The following CFAP20DC variants were observed in gnomAD, a reference collection of about 807,000 sequenced individuals.
CFAP20DC encodes the protein CFAP20 domain containing.
A neutral mutation model predicts 101.7 loss-of-function variants in CFAP20DC; 84 were observed. The observed-to-expected ratio is 0.83, with a 90% CI of 0.69 to 0.99. The LOEUF (loss-of-function observed/expected upper bound fraction) is 0.99. Ranked by LOEUF, CFAP20DC falls within the 50% of genes least tolerant of loss-of-function variation. The pLI is 0.00. For synonymous variants in CFAP20DC, 359 were observed against 351.2 expected (o/e 1.02, Z -0.25); for missense variants, 1,007 against 970.3 (o/e 1.04, Z -0.50).
At chr3:58,985,154 T>C (rs1559944019) in intron 4 of CFAP20DC, among the ~76,000 whole-genome samples, 1 of 152,152 alleles carries the variant, frequency 6.6e-6, no homozygotes, top group East Asian at 1.9e-4. Context: ...TCTTGAACTC[T>C]TGTGCTCAAG....
intron 4 of CFAP20DC, among the ~76,000 whole-genome samples, chr3:59,022,944 A>G (rs2093828991): frequency 6.6e-6 from 1 of 152,054 alleles, no homozygotes; most frequent in Admixed American, 6.6e-5. Flanking sequence ...AAGAAAATTC[A>G]CTCATTACCT....
chr3:58,789,937 T>TA lies in CFAP20DC; in HGVS notation c.2237+16457dup, dbSNP rs1175020482. On this transcript the variant is annotated intron_variant, in intron 15 of 16. Transcript: ENST00000482387. The stretch of plus-strand genomic sequence containing the variant: ...TTCTACAGAAAGCTTACATAAATTA[T>TA]AAAAAAGGTAGAAAGATACAGAAAT... Among the ~76,000 whole-genome samples, 176 of 152,100 alleles carry TA rather than the reference T, an allele frequency of 1.2e-3. 2 individuals carry two copies. The highest frequency in any genetic ancestry group is 1.2e-4 in the Non-Finnish European group (8 of 67,964).
Position 58,849,356 on chromosome 3 carries a change from T to A in CFAP20DC, c.1647A>T (p.Leu549Phe). ...GCAGGCTCTCTAATGTTAACTGAGTTAACTCTGAAGGACCAGTTGTTGGGC... is the reference window on the plus strand; with the variant it reads ...GCAGGCTCTCTAATGTTAACTGAGTAAACTCTGAAGGACCAGTTGTTGGGC... The part of the protein sequence containing the change: ...SRGPTTGPSE[L>F]TQLTLESLLG... The change falls in exon 13 of 17, where the codon TTA becomes TTT. Residue 549 changes from leucine (L) to phenylalanine (F), a missense_variant. Transcript: ENST00000482387. 1 of 1,535,956 alleles carries A rather than the reference T, an allele frequency of 6.5e-7. No individual in the cohort carries two copies.
In CFAP20DC at chr3:58,812,964, C is replaced by A. The variant is rs921835846; in HGVS notation, c.2176-6508G>T. 2.0e-5 allele frequency among the ~76,000 whole-genome samples: 3 copies of A among 151,844 alleles called. No individual in the cohort carries two copies. In the South Asian group the frequency reaches 6.2e-4, roughly 31 times the overall value. On this transcript the variant is annotated intron_variant, in intron 14 of 16. Coordinates refer to ENST00000482387, the MANE Select transcript of CFAP20DC (RefSeq NM_001394063.1). ...AAACCAAACAAGATATCTCATGGAA[C>A]TAATGCTGCAGTTCAACCATCATTA... is the stretch of plus-strand genomic sequence containing the variant.
chr3:58,779,623 A>G (rs1191225756), intron 15 of CFAP20DC, among the ~76,000 whole-genome samples: 1 of 152,198 alleles, frequency 6.6e-6, no homozygotes, highest in African/African-American at 2.4e-5. Flanking sequence ...AGAATCTCAG[A>G]ACTGAAAGGT....
At chr3:58,813,631 T>C (rs189815676) in intron 14 of CFAP20DC, among the ~76,000 whole-genome samples, 53 of 152,018 alleles carry the variant, frequency 3.5e-4, no homozygotes, top group African/African-American at 1.2e-3. Context: ...AAAATATTAA[T>C]GATGTAGGTG....
intron 6 of CFAP20DC, among the ~76,000 whole-genome samples, chr3:58,901,930 C>T (rs1035413781): frequency 2.6e-5 from 4 of 152,164 alleles, no homozygotes; most frequent in African/African-American, 9.7e-5. Flanking sequence ...TCTCTCAAGT[C>T]TCCAGTCCCT....
intron 14 of CFAP20DC, among the ~76,000 whole-genome samples, chr3:58,825,665 G>C (rs2075993484): frequency 6.6e-6 from 1 of 152,146 alleles, no homozygotes; most frequent in Non-Finnish European, 1.5e-5. Flanking sequence ...CGAGAGCCCA[G>C]TTTTTGAATA....
At chr3:58,805,189 T>C (rs998258518) in intron 15 of CFAP20DC, among the ~76,000 whole-genome samples, 7 of 152,204 alleles carry the variant, frequency 4.6e-5, no homozygotes, top group Non-Finnish European at 1.0e-4. Flanking sequence ...TGTTAGCCTC[T>C]ACATGTATAT....
chr3:58,834,343 G>A (rs1417173221), intron 13 of CFAP20DC, among the ~76,000 whole-genome samples: 1 of 152,138 alleles, frequency 6.6e-6, no homozygotes, highest in Non-Finnish European at 1.5e-5. Flanking sequence ...GCGTTCTAAT[G>A]TGTCACATAG....
rs148326543 is a variant in CFAP20DC at position 58,987,630 on chromosome 3, T to A, written c.279-49868A>T. Among the ~76,000 whole-genome samples the A allele has an allele frequency of 1.1e-4, 17 of 152,116 alleles. No individual in the cohort carries two copies. In the East Asian group the frequency reaches 3.1e-3, roughly 28 times the overall value. ...ATTTAAAAATACAGTATCAGCATTG[T>A]ACAGATACAGCAGAGAACAAAAAAC... On this transcript the variant is annotated intron_variant, in intron 4 of 16. Coordinates refer to ENST00000482387, the MANE Select transcript of CFAP20DC (RefSeq NM_001394063.1).
At chr3:59,046,949 G>T (rs907885654) in intron 2 of CFAP20DC, among the ~76,000 whole-genome samples, 4 of 152,156 alleles carry the variant, frequency 2.6e-5, no homozygotes, top group Admixed American at 6.6e-5. Flanking sequence ...ATACACAGCA[G>T]GGCATGGAGT....
At chr3:59,003,096 C>A (rs1388107071) in intron 4 of CFAP20DC, among the ~76,000 whole-genome samples, 2 of 151,966 alleles carry the variant, frequency 1.3e-5, no homozygotes, top group Non-Finnish European at 2.9e-5. Context: ...AAATGCAGCA[C>A]AGAAGGGATG....
Position 58,864,808 on chromosome 3 carries a change from T to C in CFAP20DC, c.1259-916A>G, listed in dbSNP as rs1289609279. Reference sequence around the variant, plus strand: ...TGCTAATCCAAGCAGTGGATTCTGCTGGGTGAAAAAGGTCTTTAAGTTTAC... The same window carrying C: ...TGCTAATCCAAGCAGTGGATTCTGCCGGGTGAAAAAGGTCTTTAAGTTTAC... On this transcript the variant is annotated intron_variant, in intron 11 of 16. Transcript: ENST00000482387. This position sits in a 1 kb window ranked among gnomAD's most constrained non-coding sequence, Gnocchi z 4.7. 1.3e-5 allele frequency among the ~76,000 whole-genome samples: 2 copies of C among 152,210 alleles called. No homozygotes were observed. The highest frequency in any genetic ancestry group is 2.9e-5 in the Non-Finnish European group (2 of 68,030).
intron 6 of CFAP20DC, among the ~76,000 whole-genome samples, chr3:58,908,420 T>C: frequency 6.6e-6 from 1 of 152,182 alleles, no homozygotes; most frequent in East Asian, 1.9e-4. Flanking sequence ...TTATTCAGTG[T>C]TTTACATTAC....
chr3:58,962,833 C>T (rs547036784), intron 4 of CFAP20DC, among the ~76,000 whole-genome samples: 1 of 152,046 alleles, frequency 6.6e-6, no homozygotes, highest in Non-Finnish European at 1.5e-5. Context: ...AATGTGAGCA[C>T]GTAGCTTCCT....
chr3:58,822,678 A>T (rs1225739011), intron 14 of CFAP20DC, among the ~76,000 whole-genome samples: 7 of 152,178 alleles, frequency 4.6e-5, no homozygotes, highest in Admixed American at 6.6e-5. Flanking sequence ...AACCAATGGA[A>T]ACTTTTCAAA....
At chr3:58,956,301 T>C (rs1179160784) in intron 4 of CFAP20DC, among the ~76,000 whole-genome samples, 1 of 151,892 alleles carries the variant, frequency 6.6e-6, no homozygotes, top group Non-Finnish European at 1.5e-5. Flanking sequence ...GGGAGCCCAT[T>C]TTCCTGGAGG....
intron 4 of CFAP20DC, among the ~76,000 whole-genome samples, chr3:58,975,957 A>C (rs1283780667): frequency 6.6e-6 from 1 of 152,188 alleles, no homozygotes; most frequent in African/African-American, 2.4e-5. Context: ...GTATATTTAA[A>C]CACCGAAGTG....
Sources: gnomAD v4.1 joint callset for allele counts (sites outside exome capture counted in the v4.1 genomes callset) on GRCh38, gnomAD v4.1.1 for gene constraint, Gnocchi (gnomAD v3.1) non-coding constraint, MANE v1.5 for transcripts, NCBI Gene and HGNC (gene_info 2026-07-23, HGNC 2026-07-21) for gene names.